PTPN21: variants seen among roughly 807,000 people sequenced by gnomAD.
PTPN21 encodes the protein tyrosine-protein phosphatase non-receptor type 21.
In PTPN21, 77 loss-of-function variants were observed where a neutral mutation model predicts 131.8. The ratio of observed to expected loss-of-function variants is 0.58; its 90% confidence interval spans 0.49 to 0.71. The LOEUF is 0.71. PTPN21 is among the 30% of genes least tolerant of loss of function. The pLI, the probability that PTPN21 is intolerant of heterozygous loss-of-function variation, is 0.00. For missense variants in PTPN21, 1,552 were observed against 1,527.1 expected (o/e 1.02, Z -0.27); for synonymous variants, 715 against 621.3 (o/e 1.15, Z -2.24).
intron 1 of PTPN21, chr14:88,551,819 G>A (rs2139372491): frequency 1.3e-5 from 2 of 152,450 alleles, no homozygotes; most frequent in East Asian, 3.9e-4. Flanking sequence ...TGGGACCACA[G>A]GTGCGCGCCA....
intron 2 of PTPN21, among the ~76,000 whole-genome samples, chr14:88,541,975 A>T (rs2078712568): frequency 6.6e-6 from 1 of 152,144 alleles, no homozygotes; most frequent in African/African-American, 2.4e-5. Context: ...TGGGGGAGAG[A>T]GTGGCTATGA....
At chr14:88,548,920 G>A (rs756701868) in intron 2 of PTPN21, among the ~76,000 whole-genome samples, 33 of 152,264 alleles carry the variant, frequency 2.2e-4, no homozygotes, top group Non-Finnish European at 2.2e-4. Flanking sequence ...AGACTAGTTA[G>A]CAGAGCTTAC....
intron 13 of PTPN21, among the ~76,000 whole-genome samples, chr14:88,478,124 A>G (rs536215202): frequency 5.3e-5 from 8 of 152,328 alleles, no homozygotes; most frequent in African/African-American, 1.9e-4. Context: ...CTTACTGTAA[A>G]TAGGCCACAA....
At chr14:88,489,437 T>G (rs2140113979) in intron 10 of PTPN21, among the ~76,000 whole-genome samples, 1 of 151,982 alleles carries the variant, frequency 6.6e-6, no homozygotes, top group East Asian at 1.9e-4. Flanking sequence ...GCCAGGGGTT[T>G]AAGACCAGCC....
rs778268557 is a variant in PTPN21 at position 88,469,948 on chromosome 14, T to C, written c.2974A>G (p.Ile992Val). 5 of 1,614,018 alleles carry C rather than the reference T, an allele frequency of 3.1e-6. No homozygotes were observed. The highest frequency in any genetic ancestry group is 3.3e-5 in the Admixed American group (2 of 60,002). ...TCTTCTGCTGTCACCATTGCTATAA[T>C]TGCAATTCCCTGTTCCCATACCATC... ...WQMVWEQGIA[I>V]IAMVTAEEEG... The change falls in exon 16 of 19, where the codon ATT becomes GTT. Residue 992 changes from isoleucine (I) to valine (V), a missense_variant. Coordinates refer to ENST00000556564, the MANE Select transcript of PTPN21 (RefSeq NM_007039.4). The surrounding 1 kb of genome is among the most constrained non-coding windows in gnomAD (Gnocchi z 4.3).
intron 7 of PTPN21, 148 bp downstream of exon 7, chr14:88,501,133 C>A (rs1321880799): frequency 7.9e-6 from 6 of 760,854 alleles, no homozygotes; most frequent in African/African-American, 3.5e-5. Context: ...TACCACAAAA[C>A]TTTGGTCACC....
chr14:88,521,566 C>CATT (rs2078393837), intron 2 of PTPN21, among the ~76,000 whole-genome samples: 1 of 131,472 alleles, frequency 7.6e-6, no homozygotes, highest in African/African-American at 2.8e-5. Context: ...CCACGCCCAA[C>CATT]TTTTTTTTTT....
chr14:88,479,005 G>A lies in PTPN21; in HGVS notation c.2426C>T (p.Ala809Val), dbSNP rs769677063. 3.7e-5 allele frequency: 60 copies of A among 1,601,038 alleles called. 2 individuals are homozygous for A. In the South Asian group the frequency reaches 6.5e-4, roughly 17 times the overall value. The change falls in exon 13 of 19, where the codon GCC becomes GTC. Residue 809 changes from alanine to valine, a missense_variant. Ala to Val is a moderately conservative substitution (Grantham distance 64, BLOSUM62 0). Transcript: ENST00000556564. The part of the protein sequence containing the change: ...SDLTTSGRYR[A>V]RRDSLKKRPV... ...CCTTTTCTTCAGAGAGTCCCTCCGGGCTCGGTAGCGGCCTGACGTGGTGAG... is the reference window on the plus strand; with the variant it reads ...CCTTTTCTTCAGAGAGTCCCTCCGGACTCGGTAGCGGCCTGACGTGGTGAG...
intron 2 of PTPN21, among the ~76,000 whole-genome samples, chr14:88,536,119 G>A (rs1019837135): frequency 2.6e-5 from 4 of 152,136 alleles, no homozygotes; most frequent in African/African-American, 9.7e-5. Flanking sequence ...ACTCATTCCA[G>A]CAGAAGTTGT....
rs971381699 is a variant in PTPN21 at position 88,506,939 on chromosome 14, G to A, written c.448+984C>T. Among the ~76,000 whole-genome samples, 19 of 152,076 alleles carry A rather than the reference G, an allele frequency of 1.2e-4. No individual in the cohort carries two copies. In the East Asian group the frequency reaches 1.4e-3, roughly 11 times the overall value. On this transcript the variant is annotated intron_variant, in intron 4 of 18. Coordinates refer to ENST00000556564, the MANE Select transcript of PTPN21 (RefSeq NM_007039.4). ...CAGGTATCTGTAATCCCAGGTACTC[G>A]GGAGGCTGAGGCAGGAGAATCGCTT...
intron 10 of PTPN21, among the ~76,000 whole-genome samples, chr14:88,491,378 A>G (rs2140116684): frequency 6.6e-6 from 1 of 152,310 alleles, no homozygotes; most frequent in Non-Finnish European, 1.5e-5. Context: ...CTTTCTGTGC[A>G]AGTCGAGTCT....
chr14:88,517,802 GTATT>G (rs1398479042), intron 2 of PTPN21, among the ~76,000 whole-genome samples: 11 of 144,870 alleles, frequency 7.6e-5, no homozygotes, highest in Non-Finnish European at 7.6e-5. Context: ...GTGTACATGT[GTATT>G]TATGTGTGTA....
intron 2 of PTPN21, chr14:88,547,789 G>A: frequency 2.6e-6 from 1 of 388,308 alleles, no homozygotes; most frequent in East Asian, 7.9e-5. Context: ...TGAGGGGTCT[G>A]CGATGTCCTC....
intron 2 of PTPN21, among the ~76,000 whole-genome samples, chr14:88,530,325 C>T (rs1349096605): frequency 2.0e-5 from 3 of 152,122 alleles, no homozygotes; most frequent in Admixed American, 2.0e-4. Flanking sequence ...ATAGAAACTC[C>T]TTAAAGCATA....
At chr14:88,525,079 C>A (rs1423183775) in intron 2 of PTPN21, among the ~76,000 whole-genome samples, 25 of 150,036 alleles carry the variant, frequency 1.7e-4, no homozygotes. Flanking sequence ...TTTGCCTCTA[C>A]AAAAAATAAA....
chr14:88,496,456 A>C lies in PTPN21; in HGVS notation c.889T>G (p.Cys297Gly), dbSNP rs199563045. ...METAKYIWRL[C>G]VARHKFYRLN... Reference sequence around the variant, plus strand: ...CTGTAAAACTTGTGTCGCGCAACACAGAGTCTCCAAATGTATTTTGCTGTT... The same window carrying C: ...CTGTAAAACTTGTGTCGCGCAACACCGAGTCTCCAAATGTATTTTGCTGTT... Residue 297 changes from cysteine to glycine, a missense_variant, in exon 10 of 19, where the codon TGT becomes GGT. By Grantham distance (159) the Cys-to-Gly change is radical. Coordinates refer to ENST00000556564, the MANE Select transcript of PTPN21 (RefSeq NM_007039.4). 1.2e-6 allele frequency: 2 copies of C among 1,613,994 alleles called. No individual in the cohort carries two copies. The highest frequency in any genetic ancestry group is 1.3e-5 in the African/African-American group (1 of 75,062).
intron 3 of PTPN21, among the ~76,000 whole-genome samples, chr14:88,511,107 G>A (rs939116241): frequency 6.6e-6 from 1 of 151,784 alleles, no homozygotes; most frequent in Admixed American, 6.6e-5. Flanking sequence ...GTAGAAACAG[G>A]GTCTCTCTAT....
At chr14:88,536,848 C>G (rs1460122191) in intron 2 of PTPN21, among the ~76,000 whole-genome samples, 2 of 152,136 alleles carry the variant, frequency 1.3e-5, no homozygotes, top group Non-Finnish European at 2.9e-5. Context: ...CAGAAGATAG[C>G]ACTAGATAAA....
intron 2 of PTPN21, among the ~76,000 whole-genome samples, chr14:88,535,282 A>G (rs1394478927): frequency 6.6e-6 from 1 of 152,216 alleles, no homozygotes; most frequent in Non-Finnish European, 1.5e-5. Flanking sequence ...TGTTCACACA[A>G]CAATGAAATT....
Sources: allele counts gnomAD v4.1 joint callset (sites outside exome capture counted in the v4.1 genomes callset), GRCh38; gene constraint gnomAD v4.1.1; non-coding constraint Gnocchi (gnomAD v3.1); transcripts MANE v1.5; gene names NCBI Gene and HGNC (gene_info 2026-07-23, HGNC 2026-07-21).